Variants in DENND1A observed in about 807,000 individuals in gnomAD.
The protein encoded by DENND1A is DENN domain-containing protein 1A.
A neutral mutation model predicts 113.7 loss-of-function variants in DENND1A; 51 were observed. The ratio of observed to expected loss-of-function variants is 0.45; its 90% CI spans 0.36 to 0.57. The LOEUF (loss-of-function observed/expected upper bound fraction) is 0.57. Ranked by LOEUF, DENND1A falls within the 20% of genes least tolerant of loss-of-function variation. The pLI is 0.00. For synonymous variants in DENND1A, 565 were observed against 570.8 expected, an observed-to-expected ratio of 0.99 and a Z score of 0.14; for missense variants, 1,258 against 1,395.9, an observed-to-expected ratio of 0.90 and a Z score of 1.57.
intron 9 of DENND1A, among the ~76,000 whole-genome samples, chr9:123,634,406 A>G (rs2061612261): frequency 6.6e-6 from 1 of 152,206 alleles, no homozygotes; most frequent in Non-Finnish European, 1.5e-5. Flanking sequence ...ATCATTACTT[A>G]AGGACAGTCA....
In DENND1A at chr9:123,383,869, C is replaced by T; in HGVS notation, c.1805G>A (p.Gly602Asp). The change falls in exon 23 of 24, where the codon GGC (glycine) becomes GAC (aspartate). Residue 602 changes from glycine (G) to aspartate (D), a missense_variant. By Grantham distance (94) the Gly-to-Asp change is moderately conservative (BLOSUM62 -1). Transcript: ENST00000394215. ...CTGCTCTGGACTCTCTGCCTCGTCG[C>T]CTTCCGCGCTGTCTGACTCCCTGAG... Reference protein sequence around the residue: ...RTLRESDSAEGDEAESPEQQV... With the variant: ...RTLRESDSAEDDEAESPEQQV... The T allele has an allele frequency of 3.7e-6, 6 of 1,613,232 alleles. No homozygotes were observed. The highest frequency in any genetic ancestry group is 5.1e-6 in the Non-Finnish European group (6 of 1,180,016).
intron 1 of DENND1A, among the ~76,000 whole-genome samples, chr9:123,907,752 G>A (rs1438768880): frequency 6.9e-6 from 1 of 144,210 alleles, no homozygotes; most frequent in Admixed American, 6.9e-5. Context: ...AATCAATATC[G>A]TGAAAATGGC....
intron 2 of DENND1A, among the ~76,000 whole-genome samples, chr9:123,855,874 C>T (rs564527551): frequency 1.3e-5 from 2 of 152,028 alleles, no homozygotes; most frequent in South Asian, 4.2e-4. Flanking sequence ...CCCACCTCTG[C>T]TAAAAATAGA....
intron 18 of DENND1A, among the ~76,000 whole-genome samples, chr9:123,444,565 A>G (rs1365570155): frequency 6.6e-6 from 1 of 152,198 alleles, no homozygotes; most frequent in Non-Finnish European, 1.5e-5. Flanking sequence ...GAGGCAAGAA[A>G]ATTGCATGAA....
chr9:123,791,211 A>G (rs1832948052), intron 3 of DENND1A, among the ~76,000 whole-genome samples: 1 of 152,138 alleles, frequency 6.6e-6, no homozygotes, highest in Non-Finnish European at 1.5e-5. Flanking sequence ...TAGAACAATA[A>G]TTTTGTTAAA....
intron 13 of DENND1A, among the ~76,000 whole-genome samples, chr9:123,518,212 A>G (rs905684482): frequency 6.6e-6 from 1 of 152,222 alleles, no homozygotes; most frequent in African/African-American, 2.4e-5. Flanking sequence ...ATATTATAAT[A>G]GAAAGGGAGC....
chr9:123,795,165 A>C (rs1204293789), intron 2 of DENND1A, among the ~76,000 whole-genome samples: 1 of 152,256 alleles, frequency 6.6e-6, no homozygotes, highest in Non-Finnish European at 1.5e-5. Context: ...ATTTTTAAAA[A>C]GAAAGAAAAG....
At chr9:123,887,328 A>G (rs555652940) in intron 1 of DENND1A, among the ~76,000 whole-genome samples, 6 of 152,226 alleles carry the variant, frequency 3.9e-5, no homozygotes, top group East Asian at 1.9e-4. Flanking sequence ...AGGTGTCCCT[A>G]TGAAGGGGCA....
chr9:123,823,089 T>C (rs1001681780), intron 2 of DENND1A, among the ~76,000 whole-genome samples: 1 of 152,218 alleles, frequency 6.6e-6, no homozygotes, highest in Non-Finnish European at 1.5e-5. Flanking sequence ...TCTCAGGTAC[T>C]GTGCTAAACT....
chr9:123,381,428 C>T lies in DENND1A; in HGVS notation c.*4G>A, dbSNP rs761360081. On this transcript the variant is annotated 3_prime_UTR_variant, in exon 24 of 24. Transcript: ENST00000394215. This position sits in a 1 kb window ranked among gnomAD's most constrained non-coding sequence, Gnocchi z 4.7. ...CGGTGCATCCCCCACCCTCAGGGCC[C>T]GGCTCACTCGAAGGTCTCCCACTGC... 26 of 1,612,550 alleles carry T rather than the reference C, an allele frequency of 1.6e-5. No individual in the cohort carries two copies. The highest frequency in any genetic ancestry group is 6.7e-5 in the East Asian group (3 of 44,866).
chr9:123,600,008 C>T (rs945092221), intron 11 of DENND1A, among the ~76,000 whole-genome samples: 6 of 152,236 alleles, frequency 3.9e-5, no homozygotes, highest in African/African-American at 1.2e-4. Context: ...GCCAAGGGTA[C>T]GGCTCTTCAA....
Position 123,538,484 on chromosome 9 carries a change from G to A in DENND1A, c.993+19086C>T, listed in dbSNP as rs182361988. 5.0e-3 allele frequency among the ~76,000 whole-genome samples: 756 copies of A among 151,974 alleles called. 2 individuals are homozygous for A. The highest frequency in any genetic ancestry group is 8.4e-3 in the Non-Finnish European group (573 of 67,972). On this transcript the variant is annotated intron_variant, in intron 13 of 23. Coordinates refer to ENST00000394215, the MANE Select transcript of DENND1A (RefSeq NM_001352964.2). ...GAAGAAATGTCTGATTCCAGGTTTG[G>A]GGGTAGGATGTACAAGATAAGCCTG...
intron 13 of DENND1A, chr9:123,485,518 G>C (rs996570017): frequency 3.9e-5 from 6 of 152,080 alleles, no homozygotes; most frequent in African/African-American, 1.2e-4. Context: ...GATCAGGTTC[G>C]GGGCTGCGAG....
At chr9:123,539,284 C>G (rs12345195) in intron 13 of DENND1A, among the ~76,000 whole-genome samples, 17,222 of 130,470 alleles carry the variant, frequency 0.13, 1,429 homozygotes, top group African/African-American at 0.26. Flanking sequence ...GGTATGCCAT[C>G]AGCAAAACTC....
chr9:123,859,208 G>A (rs915643278), intron 2 of DENND1A, among the ~76,000 whole-genome samples: 3 of 152,030 alleles, frequency 2.0e-5, no homozygotes, highest in African/African-American at 4.8e-5. Context: ...TAACAAAATA[G>A]GCTTACACTT....
intron 2 of DENND1A, among the ~76,000 whole-genome samples, chr9:123,826,307 G>C: frequency 6.6e-6 from 1 of 152,178 alleles, no homozygotes; most frequent in East Asian, 1.9e-4. Context: ...GGAGGCTGGA[G>C]TCAGATGATT....
chr9:123,808,555 A>T (rs1835995565), intron 2 of DENND1A, among the ~76,000 whole-genome samples: 1 of 151,782 alleles, frequency 6.6e-6, no homozygotes, highest in Admixed American at 6.6e-5. Flanking sequence ...TAATATTTGT[A>T]TTTTTTTGTA....
At chr9:123,839,835 T>C (rs529320826) in intron 2 of DENND1A, among the ~76,000 whole-genome samples, 1 of 152,324 alleles carries the variant, frequency 6.6e-6, no homozygotes, top group South Asian at 2.1e-4. Flanking sequence ...TTTATTCCTA[T>C]TGAGCATCTA....
chr9:123,895,201 TGG>T (rs1850534540), intron 1 of DENND1A, among the ~76,000 whole-genome samples: 1 of 152,162 alleles, frequency 6.6e-6, no homozygotes, highest in African/African-American at 2.4e-5. Context: ...CCCTAGGTGC[TGG>T]GACCATAGCT....
Sources: allele counts gnomAD v4.1 joint callset (sites outside exome capture counted in the v4.1 genomes callset), GRCh38; gene constraint gnomAD v4.1.1; non-coding constraint Gnocchi (gnomAD v3.1); transcripts MANE v1.5; gene names NCBI Gene and HGNC (gene_info 2026-07-23, HGNC 2026-07-21).